PPARGC1B: variants seen among roughly 807,000 people sequenced by gnomAD.
PPARGC1B encodes peroxisome proliferator-activated receptor gamma coactivator 1-beta.
Under a neutral mutation model 101.6 loss-of-function variants are expected in PPARGC1B, and 34 were observed. That is an observed-to-expected ratio of 0.33 (90% CI 0.25 to 0.45). The LOEUF (loss-of-function observed/expected upper bound fraction) is 0.45, where lower values mean the gene tolerates loss of function less well. PPARGC1B is among the 20% of genes least tolerant of loss of function. The pLI, the probability that PPARGC1B is intolerant of heterozygous loss-of-function variation, is 1.00. For synonymous variants in PPARGC1B, 548 were observed against 539.3 expected (o/e 1.02, Z -0.22); for missense variants, 1,234 against 1,317.6 (o/e 0.94, Z 0.98).
At chr5:149,784,517 T>C (rs1438782566) in intron 1 of PPARGC1B, among the ~76,000 whole-genome samples, 1 of 147,546 alleles carries the variant, frequency 6.8e-6, no homozygotes, top group Admixed American at 7.0e-5. Context: ...CTCACCCTCG[T>C]CCCTCCCAGG....
intron 1 of PPARGC1B, among the ~76,000 whole-genome samples, chr5:149,798,716 G>A (rs1390714554): frequency 2.0e-5 from 3 of 152,162 alleles, no homozygotes; most frequent in Non-Finnish European, 4.4e-5. Flanking sequence ...GTCCAATTCC[G>A]ACTACCCCTA....
At chr5:149,842,494 G>C in intron 10 of PPARGC1B, 117 bp downstream of exon 10, 1 of 1,421,914 alleles carries the variant, frequency 7.0e-7, no homozygotes, top group Admixed American at 1.9e-5. Flanking sequence ...AAAATCCATA[G>C]CCTAGATGTG....
chr5:149,831,049 G>A (rs1758763972), intron 4 of PPARGC1B, among the ~76,000 whole-genome samples, 166 bp downstream of exon 4: 1 of 152,210 alleles, frequency 6.6e-6, no homozygotes, highest in South Asian at 2.1e-4. Context: ...ATCCAGCCTA[G>A]TTTAGGGTTT....
rs1275119301 is a variant in PPARGC1B, at chr5:149,815,052, C to G, written c.79-5381C>G. Among the ~76,000 whole-genome samples, 6 of 152,226 alleles carry G rather than the reference C, an allele frequency of 3.9e-5. No individual in the cohort carries two copies. In the East Asian group the frequency reaches 5.8e-4, roughly 15 times the overall value. ...CCACCTGCAGATGGGAATGAATGGT[C>G]TTGAATGTTCCTTCTCACTTTCGGA... On this transcript the variant is annotated intron_variant, in intron 1 of 11. Transcript: ENST00000309241.
chr5:149,766,903 C>T (rs1417147447), intron 1 of PPARGC1B, among the ~76,000 whole-genome samples: 6 of 152,214 alleles, frequency 3.9e-5, no homozygotes, highest in African/African-American at 1.4e-4. Flanking sequence ...TGAGAACCTG[C>T]ATCTGGAACC....
chr5:149,732,257 A>T (rs916942965), intron 1 of PPARGC1B, among the ~76,000 whole-genome samples: 3 of 152,136 alleles, frequency 2.0e-5, no homozygotes, highest in Non-Finnish European at 4.4e-5. Context: ...GTGCGGGAGG[A>T]GGGGCAGAGT....
At chr5:149,731,711 G>T (rs2113047526) in intron 1 of PPARGC1B, among the ~76,000 whole-genome samples, 1 of 152,354 alleles carries the variant, frequency 6.6e-6, no homozygotes, top group East Asian at 1.9e-4. Context: ...CATGGGACCG[G>T]GTGGGCGGGG....
At chr5:149,843,128 A>G (rs1266945767) in intron 10 of PPARGC1B, among the ~76,000 whole-genome samples, 1 of 152,132 alleles carries the variant, frequency 6.6e-6, no homozygotes, top group African/African-American at 2.4e-5. Flanking sequence ...AGATGGCGCC[A>G]CTGCACTCCA....
At chr5:149,799,693 G>GTTGTTGTTGTTTTTT (rs752427488) in intron 1 of PPARGC1B, among the ~76,000 whole-genome samples, 1 of 76,480 alleles carries the variant, frequency 1.3e-5, no homozygotes, top group African/African-American at 5.7e-5. Flanking sequence ...GCTTGTTGTT[G>GTTGTTGTTGTTTTTT]TTTTTTTTTT....
At chr5:149,801,191 A>G (rs889901717) in intron 1 of PPARGC1B, among the ~76,000 whole-genome samples, 1 of 152,208 alleles carries the variant, frequency 6.6e-6, no homozygotes, top group Non-Finnish European at 1.5e-5. Flanking sequence ...GCCAGGTGCC[A>G]GGGATACAGT....
intron 10 of PPARGC1B, among the ~76,000 whole-genome samples, chr5:149,842,581 G>A (rs1051808779): frequency 2.0e-5 from 3 of 152,230 alleles, no homozygotes; most frequent in Admixed American, 6.5e-5. Flanking sequence ...GATGGTTTAC[G>A]AAGTGCCAGG....
At chr5:149,786,021 G>A (rs1399083013) in intron 1 of PPARGC1B, among the ~76,000 whole-genome samples, 2 of 151,912 alleles carry the variant, frequency 1.3e-5, no homozygotes, top group African/African-American at 2.4e-5. Context: ...CGGGCTCAAG[G>A]GATATTCCTG....
At chr5:149,841,048 C>CT (rs1759315142) in intron 9 of PPARGC1B, among the ~76,000 whole-genome samples, 2 of 152,266 alleles carry the variant, frequency 1.3e-5, no homozygotes, top group Non-Finnish European at 1.5e-5. Flanking sequence ...TGAGGCCCCC[C>CT]TTCTGGCTGA....
chr5:149,830,056 A>AAAAG (rs1758707125), intron 3 of PPARGC1B, among the ~76,000 whole-genome samples: 4 of 58,564 alleles, frequency 6.8e-5, no homozygotes, highest in Non-Finnish European at 1.2e-4. Context: ...AAAAAAAAAG[A>AAAAG]AAAAAAAAAA....
At chr5:149,822,847 G>T (rs1441510003) in intron 2 of PPARGC1B, among the ~76,000 whole-genome samples, 1 of 151,666 alleles carries the variant, frequency 6.6e-6, no homozygotes, top group Non-Finnish European at 1.5e-5. Context: ...CAAAAACCTT[G>T]AGCTGGGATC....
At chr5:149,765,644 G>C (rs1163977129) in intron 1 of PPARGC1B, among the ~76,000 whole-genome samples, 1 of 152,054 alleles carries the variant, frequency 6.6e-6, no homozygotes, top group East Asian at 1.9e-4. Flanking sequence ...GGATCACAAG[G>C]TCAGGAGATC....
At chr5:149,794,745 G>T (rs1250308501) in intron 1 of PPARGC1B, among the ~76,000 whole-genome samples, 1 of 152,250 alleles carries the variant, frequency 6.6e-6, no homozygotes, top group Non-Finnish European at 1.5e-5. Context: ...GACTAAAATG[G>T]TAACAGGGAG....
intron 1 of PPARGC1B, among the ~76,000 whole-genome samples, chr5:149,750,734 A>G (rs961561491): frequency 6.6e-6 from 1 of 152,314 alleles, no homozygotes; most frequent in East Asian, 1.9e-4. Context: ...CCAATGGGCA[A>G]TTCAATACCA....
chr5:149,812,961 A>G (rs897013844), intron 1 of PPARGC1B, among the ~76,000 whole-genome samples: 1 of 152,226 alleles, frequency 6.6e-6, no homozygotes, highest in Non-Finnish European at 1.5e-5. Context: ...GGAACAAAAC[A>G]TTTATAAAGT....
Sources: gnomAD v4.1 joint callset for allele counts (sites outside exome capture counted in the v4.1 genomes callset) on GRCh38, gnomAD v4.1.1 for gene constraint, MANE v1.5 for transcripts, NCBI Gene and HGNC (gene_info 2026-07-23, HGNC 2026-07-21) for gene names.